Variants in SEPTIN9 observed in about 807,000 individuals in gnomAD.
SEPTIN9 encodes the protein septin 9, also known as septin-9.
SEPTIN9 carries 13 observed loss-of-function variants against 56.6 expected under a neutral mutation model. The observed-to-expected ratio is 0.23, with a 90% CI of 0.15 to 0.37. SEPTIN9 has a LOEUF of 0.37. SEPTIN9 is among the 10% of genes least tolerant of loss of function. The probability of loss-of-function intolerance (pLI) is 1.00; values close to 1 mark genes in which losing one functional copy is unlikely to be tolerated. For synonymous variants in SEPTIN9, 332 were observed against 334.1 expected (o/e 0.99, Z 0.07); for missense variants, 650 against 823.1 (o/e 0.79, Z 2.57).
At chr17:77,293,728 C>G (rs1276229085) in intron 1 of SEPTIN9, among the ~76,000 whole-genome samples, 3 of 152,174 alleles carry the variant, frequency 2.0e-5, no homozygotes, top group Non-Finnish European at 4.4e-5. Flanking sequence ...AGTCATATCT[C>G]CAAAGTTCTA....
At chr17:77,378,678 C>T (rs1020742515) in intron 2 of SEPTIN9, among the ~76,000 whole-genome samples, 2 of 152,182 alleles carry the variant, frequency 1.3e-5, no homozygotes, top group African/African-American at 2.4e-5. Context: ...GTGCCAGTAG[C>T]GCCCGCCTGG....
Position 77,451,748 on chromosome 17 carries a change from A to G in SEPTIN9, c.722-30396A>G, listed in dbSNP as rs1395749379. Among the ~76,000 whole-genome samples, 1 of 152,218 alleles carries G rather than the reference A, an allele frequency of 6.6e-6. No homozygotes were observed. The highest frequency in any genetic ancestry group is 2.4e-5 in the African/African-American group (1 of 41,454). ...CGGGGACCAGATTTTCGGCCTCAAA[A>G]TAGAAGAATAGGGCTTTGTGTGGTC... On this transcript the variant is annotated intron_variant, in intron 3 of 11. Transcript: ENST00000427177. The surrounding 1 kb of genome is among the most constrained non-coding windows in gnomAD (Gnocchi z 4.2).
chr17:77,351,088 T>C (rs1369034759), intron 2 of SEPTIN9, among the ~76,000 whole-genome samples: 1 of 151,748 alleles, frequency 6.6e-6, no homozygotes, highest in African/African-American at 2.4e-5. Context: ...GTGCTGTGTA[T>C]GCACTTGCAC....
At chr17:77,440,688 T>C (rs1598379358) in intron 3 of SEPTIN9, among the ~76,000 whole-genome samples, 1 of 152,352 alleles carries the variant, frequency 6.6e-6, no homozygotes, top group African/African-American at 2.4e-5. Context: ...CGCGTGATCA[T>C]CCGCTGGGCG....
intron 3 of SEPTIN9, among the ~76,000 whole-genome samples, chr17:77,473,934 C>G (rs914740185): frequency 6.6e-6 from 1 of 152,200 alleles, no homozygotes; most frequent in Admixed American, 6.5e-5. Flanking sequence ...CCATCTTGTT[C>G]CAGAGCAGTT....
chr17:77,327,285 C>T lies in SEPTIN9; in HGVS notation c.76+20088C>T, dbSNP rs917199121. Among the ~76,000 whole-genome samples, 1 of 152,164 alleles carries T rather than the reference C, an allele frequency of 6.6e-6. No homozygotes were observed. The highest frequency in any genetic ancestry group is 2.4e-5 in the African/African-American group (1 of 41,432). On this transcript the variant is annotated intron_variant, in intron 2 of 11. Transcript: ENST00000427177. The surrounding 1 kb of genome is among the most constrained non-coding windows in gnomAD (Gnocchi z 5.0). ...GCCTGCTCCCACCAGGGGCTGAGGCCTCCTTGCTCACTCCAGCTTCCTGGC... is the reference window on the plus strand; with the variant it reads ...GCCTGCTCCCACCAGGGGCTGAGGCTTCCTTGCTCACTCCAGCTTCCTGGC...
intron 2 of SEPTIN9, among the ~76,000 whole-genome samples, chr17:77,383,936 A>AG (rs2035237579): frequency 6.6e-6 from 1 of 152,248 alleles, no homozygotes; most frequent in East Asian, 1.9e-4. Flanking sequence ...AGGTATGGTA[A>AG]GCACTCATAC....
At chr17:77,351,229 A>C (rs1483361688) in intron 2 of SEPTIN9, among the ~76,000 whole-genome samples, 1 of 1,906 alleles carries the variant, frequency 5.2e-4, no homozygotes. Flanking sequence ...CGTGCACACA[A>C]CACACACACA....
At chr17:77,353,041 C>T (rs1030609883) in intron 2 of SEPTIN9, among the ~76,000 whole-genome samples, 8 of 152,176 alleles carry the variant, frequency 5.3e-5, no homozygotes, top group Admixed American at 2.6e-4. Context: ...TTCAAAGACC[C>T]TATGTCCATA....
chr17:77,352,519 G>A (rs557817573), intron 2 of SEPTIN9, among the ~76,000 whole-genome samples: 2 of 152,194 alleles, frequency 1.3e-5, no homozygotes, highest in Admixed American at 6.5e-5. Flanking sequence ...TGGGGGTTCC[G>A]AGGGAGACTG....
At chr17:77,432,964 G>A (rs1237643321) in intron 3 of SEPTIN9, among the ~76,000 whole-genome samples, 1 of 152,192 alleles carries the variant, frequency 6.6e-6, no homozygotes, top group Non-Finnish European at 1.5e-5. Flanking sequence ...GTGGGTAGTG[G>A]TGTCTGCAGG....
intron 3 of SEPTIN9, among the ~76,000 whole-genome samples, chr17:77,448,580 A>G: frequency 6.6e-6 from 1 of 152,006 alleles, no homozygotes; most frequent in Non-Finnish European, 1.5e-5. Flanking sequence ...AAATGTGGTG[A>G]TTCCAAGTGG....
rs984653257 is a variant in SEPTIN9 at position 77,334,227 on chromosome 17, C to T, written c.76+27030C>T. Among the ~76,000 whole-genome samples, 4 of 151,848 alleles carry T rather than the reference C, an allele frequency of 2.6e-5. No homozygotes were observed. The East Asian group carries it at 7.8e-4, about 29-fold the overall frequency. On this transcript the variant is annotated intron_variant, in intron 2 of 11. Coordinates refer to ENST00000427177, the MANE Select transcript of SEPTIN9 (RefSeq NM_001113491.2). Reference sequence around the variant, plus strand: ...CACGAGGTCAGGAGATCAAGACCATCCTGGCTAACACGGTGAAACCCCATC... The same window carrying T: ...CACGAGGTCAGGAGATCAAGACCATTCTGGCTAACACGGTGAAACCCCATC...
At chr17:77,426,293 A>T (rs1265741132) in intron 3 of SEPTIN9, among the ~76,000 whole-genome samples, 1 of 151,222 alleles carries the variant, frequency 6.6e-6, no homozygotes, top group Non-Finnish European at 1.5e-5. Context: ...TGCACAGCAC[A>T]CCTCCCCCAG....
intron 3 of SEPTIN9, among the ~76,000 whole-genome samples, chr17:77,410,695 G>A (rs1352435943): frequency 2.0e-5 from 3 of 152,220 alleles, no homozygotes; most frequent in African/African-American, 7.2e-5. Context: ...GCAGGGTGGA[G>A]CGCCTGGGGG....
At chr17:77,375,596 A>AT (rs2034891807) in intron 2 of SEPTIN9, 2 of 152,090 alleles carry the variant, frequency 1.3e-5, no homozygotes, top group South Asian at 4.1e-4. Flanking sequence ...TGACCCTGTA[A>AT]TTTAGTCCAA....
Position 77,429,318 on chromosome 17 carries a change from A to G in SEPTIN9, c.721+26615A>G, listed in dbSNP as rs2144268969. Reference sequence around the variant, plus strand: ...AGCACGCAGGCCTCCTGCCCTCGCCACGACTGGCTCCTGCAGCCCACCTGG... The same window carrying G: ...AGCACGCAGGCCTCCTGCCCTCGCCGCGACTGGCTCCTGCAGCCCACCTGG... On this transcript the variant is annotated intron_variant, in intron 3 of 11. Transcript: ENST00000427177. The surrounding 1 kb of genome is among the most constrained non-coding windows in gnomAD (Gnocchi z 5.2). 1 of 468,376 alleles carries G rather than the reference A, an allele frequency of 2.1e-6. No homozygotes were observed. Among genetic ancestry groups the G allele is most frequent in the East Asian group, 7.0e-5 (1 of 14,328 alleles). The allele number at this position is 468,376 out of a possible 1,614,324, so 29.0% of individuals were successfully genotyped here. A position where few individuals can be genotyped will look rare whatever the true frequency, so the allele number is the denominator to read the frequency against.
At chr17:77,432,468 G>T (rs9898093) in intron 3 of SEPTIN9, among the ~76,000 whole-genome samples, 1 of 152,178 alleles carries the variant, frequency 6.6e-6, no homozygotes, top group East Asian at 1.9e-4. Flanking sequence ...TGCTGAGAAC[G>T]GGGGTAGAGA....
At chr17:77,457,440 C>T (rs927447775) in intron 3 of SEPTIN9, among the ~76,000 whole-genome samples, 2 of 152,198 alleles carry the variant, frequency 1.3e-5, no homozygotes, top group Non-Finnish European at 2.9e-5. Flanking sequence ...GATAGGGGAA[C>T]CCAGTGTGGG....
Sources: gnomAD v4.1 joint callset for allele counts (sites outside exome capture counted in the v4.1 genomes callset) on GRCh38, gnomAD v4.1.1 for gene constraint, Gnocchi (gnomAD v3.1) non-coding constraint, MANE v1.5 for transcripts, NCBI Gene and HGNC (gene_info 2026-07-23, HGNC 2026-07-21) for gene names.